The following TRIM49 variants were observed in gnomAD, a reference collection of about 807,000 sequenced individuals.
TRIM49 encodes the protein tripartite motif-containing protein 49.
TRIM49 carries 5 observed loss-of-function variants against 27.4 expected under a neutral mutation model. The observed-to-expected ratio is 0.18, with a 90% CI of 0.10 to 0.38. The LOEUF is 0.38. TRIM49 is among the 10% of genes least tolerant of loss of function. The pLI is 1.00. For synonymous variants in TRIM49, 69 were observed against 166.0 expected (o/e 0.42, Z 4.49); for missense variants, 188 against 487.5 (o/e 0.39, Z 5.79).
chr11:89,769,192 A>G, the TRIM49 span, among the ~76,000 whole-genome samples: 2 of 128,780 alleles, frequency 1.6e-5, no homozygotes, highest in African/African-American at 7.9e-5. Flanking sequence ...ACAAACAAAC[A>G]AAGAATCAAA....
chr11:89,790,756 C>T, the TRIM49 span, among the ~76,000 whole-genome samples: 2 of 151,612 alleles, frequency 1.3e-5, no homozygotes, highest in Admixed American at 6.5e-5. Context: ...TGTACGTCAC[C>T]AGCATCAAAG....
chr11:89,791,420 C>A, the TRIM49 span, among the ~76,000 whole-genome samples: 1 of 151,478 alleles, frequency 6.6e-6, no homozygotes, highest in Non-Finnish European at 1.5e-5. Flanking sequence ...TCAAGAAGAG[C>A]AACTCCCAAA....
rs1314165766 is a variant in TRIM49, at chr11:89,803,769, A to C, written c.436T>G (p.Ser146Ala). The change falls in exon 4 of 8, where the codon TCT (serine) becomes GCT (alanine). Residue 146 changes from serine to alanine, a missense_variant. This residue lies in a region of TRIM49 where 14 missense variants were observed against 118.8 expected (regional missense o/e 0.12). Coordinates refer to ENST00000329758, the MANE Select transcript of TRIM49 (RefSeq NM_020358.2). The part of the protein sequence containing the change: ...HREKLLQKMQ[S>A]LWEKACENHR... ...TTTTCACAAGCTTTTTCCCACAAAG[A>C]CTGCATTTTCTGTAAAAGCTTCTCC... The C allele has an allele frequency of 7.1e-7, 1 of 1,412,004 alleles. No homozygotes were observed. Among genetic ancestry groups the C allele is most frequent in the African/African-American group, 1.5e-5 (1 of 67,562 alleles). 87.5% of individuals were successfully genotyped at this position (1,412,004 alleles called of 1,614,324 possible). A position where few individuals can be genotyped will look rare whatever the true frequency, so the allele number is the denominator to read the frequency against.
At chr11:89,773,598 C>A in the TRIM49 span, among the ~76,000 whole-genome samples, 1 of 134,230 alleles carries the variant, frequency 7.4e-6, no homozygotes, top group South Asian at 2.3e-4. Flanking sequence ...AACGGCTAGG[C>A]ACATAAGCAA....
downstream of TRIM49, among the ~76,000 whole-genome samples, chr11:89,795,523 G>T (rs2134628505): frequency 1.5e-5 from 1 of 68,636 alleles, no homozygotes; most frequent in Non-Finnish European, 3.0e-5. Flanking sequence ...TTAAGAAAAT[G>T]TGGCACATAT....
chr11:89,791,744 C>T, the TRIM49 span, among the ~76,000 whole-genome samples: 5 of 152,248 alleles, frequency 3.3e-5, no homozygotes, highest in East Asian at 9.6e-4. Flanking sequence ...CTAAAGGAAG[C>T]ACTAAACATG....
At chr11:89,796,772 T>C (rs1949692675), downstream of TRIM49, among the ~76,000 whole-genome samples, 2 of 152,026 alleles carry the variant, frequency 1.3e-5, no homozygotes, top group African/African-American at 4.8e-5. Flanking sequence ...TATTGTTTTA[T>C]AGGATTATTT....
rs764063165 is a variant in TRIM49 at position 89,798,615 on chromosome 11, G to A, written c.874C>T (p.His292Tyr). ...LNQFRVHITL[H>Y]HEEANNDIFL... ...ATATCATTGTTGGCTTCTTCATGAT[G>A]CAGAGTAATATGCACTGCAAAAAAA... The change falls in exon 8 of 8, where the codon CAT (histidine) becomes TAT (tyrosine). Residue 292 changes from histidine to tyrosine, a missense_variant. Physicochemically the swap from His to Tyr is moderately conservative, Grantham distance 83. Around this residue, in one of 6 missense-constraint regions of TRIM49, gnomAD observed 94 missense variants for 149.6 expected, o/e 0.63. Coordinates refer to ENST00000329758, the MANE Select transcript of TRIM49 (RefSeq NM_020358.2). 2 of 1,554,782 alleles carry A rather than the reference G, an allele frequency of 1.3e-6. No homozygotes were observed. The highest frequency in any genetic ancestry group is 3.8e-5 in the Admixed American group (2 of 52,192).
chr11:89,769,419 C>T, the TRIM49 span, among the ~76,000 whole-genome samples: 3 of 136,864 alleles, frequency 2.2e-5, no homozygotes, highest in African/African-American at 6.7e-5. Flanking sequence ...AGTGTCATGC[C>T]ATGTTAGACA....
intron 5 of TRIM49, among the ~76,000 whole-genome samples, 172 bp from the exon 6 acceptor site, chr11:89,801,160 T>C (rs976262529): frequency 4.0e-5 from 6 of 150,274 alleles, no homozygotes; most frequent in African/African-American, 1.2e-4. Context: ...AGTTGTATTG[T>C]TATTAATTAA....
chr11:89,775,586 T>G, the TRIM49 span, among the ~76,000 whole-genome samples: 2 of 131,218 alleles, frequency 1.5e-5, no homozygotes, highest in Non-Finnish European at 3.1e-5. Context: ...CTTTTTTTGT[T>G]GTTATTTTAG....
chr11:89,791,214 T>C, the TRIM49 span, among the ~76,000 whole-genome samples: 1 of 151,626 alleles, frequency 6.6e-6, no homozygotes, highest in Non-Finnish European at 1.5e-5. Context: ...TAAAAAGAAG[T>C]GAACAAAGCC....
At chr11:89,785,100 A>G in the TRIM49 span, among the ~76,000 whole-genome samples, 5 of 147,958 alleles carry the variant, frequency 3.4e-5, no homozygotes, top group Middle Eastern at 0.01. Flanking sequence ...TAGCCTGGTT[A>G]CAGATTTTTT....
the TRIM49 span, among the ~76,000 whole-genome samples, chr11:89,779,799 A>G: frequency 2.6e-5 from 3 of 115,530 alleles, no homozygotes; most frequent in Non-Finnish European, 5.8e-5. Flanking sequence ...GGATGTATAC[A>G]TTTTGAGGTA....
At chr11:89,805,150 T>A (rs1291374726) in intron 2 of TRIM49, among the ~76,000 whole-genome samples, 1 of 151,624 alleles carries the variant, frequency 6.6e-6, no homozygotes, top group African/African-American at 2.4e-5. Context: ...AAAGAAAAAT[T>A]ATTAAAGATA....
At position 89,808,504 on chromosome 11, in the gene TRIM49, C is replaced by T. The variant is rs939096415; in HGVS notation, c.-258G>A. The T allele has an allele frequency of 9.3e-5, 14 of 150,924 alleles. No individual in the cohort carries two copies. The highest frequency in any genetic ancestry group is 2.6e-4 in the Admixed American group (4 of 15,274). The allele number at this position is 150,924 out of a possible 1,614,324, so 9.3% of individuals were successfully genotyped here. A position where few individuals can be genotyped will look rare whatever the true frequency, so the allele number is the denominator to read the frequency against. On this transcript the variant is annotated 5_prime_UTR_variant, in exon 1 of 8. Coordinates refer to ENST00000329758, the MANE Select transcript of TRIM49 (RefSeq NM_020358.2). Reference sequence around the variant, plus strand: ...CAGTCCATCAGGAAAAGAAATCCCCCGCTGGCTGGATCCCAGTGGTCATGA... The same window carrying T: ...CAGTCCATCAGGAAAAGAAATCCCCTGCTGGCTGGATCCCAGTGGTCATGA...
chr11:89,807,826 T>C (rs1297871886), intron 1 of TRIM49, among the ~76,000 whole-genome samples: 1 of 149,274 alleles, frequency 6.7e-6, no homozygotes, highest in African/African-American at 2.5e-5. Context: ...ATAAACCACC[T>C]CATCCAGCTT....
the TRIM49 span, chr11:89,785,943 G>T: frequency 7.1e-6 from 1 of 141,182 alleles, no homozygotes; most frequent in East Asian, 2.1e-4. Flanking sequence ...CCACGCCTCC[G>T]GCATGGTGCT....
At chr11:89,807,004 T>C (rs1329135751) in intron 2 of TRIM49, 95 bp downstream of exon 2, 3 of 150,000 alleles carry the variant, frequency 2.0e-5, no homozygotes, top group Non-Finnish European at 4.4e-5. Context: ...AATGGTATCA[T>C]TGTGTAGATT....
Sources: allele counts gnomAD v4.1 joint callset (sites outside exome capture counted in the v4.1 genomes callset), GRCh38; gene constraint gnomAD v4.1.1; regional missense constraint gnomAD v4.1.1; transcripts MANE v1.5; gene names NCBI Gene and HGNC (gene_info 2026-07-23, HGNC 2026-07-21).